GOLGA6D: variants seen among roughly 807,000 people sequenced by gnomAD.
GOLGA6D encodes the protein golgin subfamily A member 6D.
A neutral mutation model predicts 42.1 loss-of-function variants in GOLGA6D; 9 were observed. The observed-to-expected ratio is 0.21, with a 90% CI of 0.13 to 0.37. The LOEUF is 0.37. Among genes scored for constraint, GOLGA6D ranks in the 10% least tolerant of loss-of-function variants. The pLI is 1.00. For missense variants in GOLGA6D, 87 were observed against 420.8 expected (o/e 0.21, Z 6.94); for synonymous variants, 39 against 167.3 (o/e 0.23, Z 5.92).
chr15:75,293,596 G>T, intron 14 of GOLGA6D, 133 bp from the exon 15 acceptor site: 1 of 661,078 alleles, frequency 1.5e-6, no homozygotes, highest in South Asian at 1.8e-5. Flanking sequence ...GTTTGTGTGT[G>T]GGGAGAGCTA....
Position 75,294,239 on chromosome 15 carries a change from T to C in GOLGA6D, c.1932T>C (p.Leu644=). 1.4e-6 allele frequency: 2 copies of C among 1,417,144 alleles called. No individual in the cohort carries two copies. Among genetic ancestry groups the C allele is most frequent in the Non-Finnish European group, 1.9e-6 (2 of 1,073,378 alleles). The allele number at this position is 1,417,144 out of a possible 1,614,324, so 87.8% of individuals were successfully genotyped here. A position where few individuals can be genotyped will look rare whatever the true frequency, so the allele number is the denominator to read the frequency against. The stretch of plus-strand genomic sequence containing the variant: ...CAGGGGCCCCAGCCCCCCAGGAACT[T>C]GGGGCTGCCGGTGAGCAGGATGGTG... ...PTPGAPAPQE[L]GAAGEQDVFY... The change falls in exon 17 of 18, where the codon CTT becomes CTC. Residue 644 remains leucine (L), a synonymous_variant. Transcript: ENST00000434739.
Position 75,294,425 on chromosome 15 carries a change from C to A in GOLGA6D, c.2032C>A (p.Pro678Thr). 6.3e-7 allele frequency: 1 copy of A among 1,598,140 alleles called. No individual in the cohort carries two copies. Residue 678 changes from proline to threonine, a missense_variant, in exon 18 of 18, where the codon CCC becomes ACC. Pro to Thr is a conservative substitution (Grantham distance 38). Transcript: ENST00000434739. ...VAREGSPHNN[P>T]TVQQIVQLSP... ...CAGGGAGGGTTCTCCCCATAACAAC[C>A]CCACTGTACAGCAGATCGTGCAGCT...
Position 75,288,750 on chromosome 15 carries a change from TG to T in GOLGA6D, c.564+387del, listed in dbSNP as rs2070865846. On this transcript the variant is annotated intron_variant, in intron 7 of 17. Coordinates refer to ENST00000434739, the MANE Select transcript of GOLGA6D (RefSeq NM_001145224.3). Reference sequence around the variant, plus strand: ...GTGTGTGTGTGTGTGTGTGTGTGTGTGTACTATGATAATATACAAAAACATG... The same window carrying T: ...GTGTGTGTGTGTGTGTGTGTGTGTGTTACTATGATAATATACAAAAACATG... 3.0e-5 allele frequency among the ~76,000 whole-genome samples: 4 copies of T among 134,650 alleles called. No homozygotes were observed. The South Asian group carries it at 9.1e-4, about 31-fold the overall frequency. The allele number at this position is 134,650 out of a possible 152,430, so 88.3% of individuals were successfully genotyped here. A position where few individuals can be genotyped will look rare whatever the true frequency, so the allele number is the denominator to read the frequency against.
intron 14 of GOLGA6D, among the ~76,000 whole-genome samples, chr15:75,293,525 T>C (rs1343455876): frequency 6.9e-6 from 1 of 144,666 alleles, no homozygotes; most frequent in Non-Finnish European, 1.5e-5. Context: ...GCTCATCTGG[T>C]GGCCTTGGCC....
Position 75,294,402 on chromosome 15 carries a change from G to A in GOLGA6D, c.2009G>A (p.Arg670Lys), listed in dbSNP as rs1260100918. 6.2e-7 allele frequency: 1 copy of A among 1,600,248 alleles called. No individual in the cohort carries two copies. Among genetic ancestry groups the A allele is most frequent in the East Asian group, 2.2e-5 (1 of 44,704 alleles). Residue 670 changes from arginine (R) to lysine (K), a missense_variant, in exon 18 of 18, where the codon AGG becomes AAG. By Grantham distance (26) the Arg-to-Lys change is conservative. Transcript: ENST00000434739. ...GTGGAGCCTGCACCAGGAGTGGCCA[G>A]GGAGGGTTCTCCCCATAACAACCCC... ...NNVEPAPGVAREGSPHNNPTV... is the reference protein window; with the variant it reads ...NNVEPAPGVAKEGSPHNNPTV...
chr15:75,294,758 A>AT lies in GOLGA6D; in HGVS notation c.*288dup, dbSNP rs1314225854. On this transcript the variant is annotated 3_prime_UTR_variant, in exon 18 of 18. Transcript: ENST00000434739. Reference sequence around the variant, plus strand: ...GATGTTCTTTCTGGCATCCTTTAGCATTTTTATTTTTAATTTGATAATTGT... The same window carrying AT: ...GATGTTCTTTCTGGCATCCTTTAGCATTTTTTATTTTTAATTTGATAATTGT... The AT allele has an allele frequency of 3.8e-6, 1 of 265,834 alleles. No homozygotes were observed. The highest frequency in any genetic ancestry group is 7.4e-5 in the East Asian group (1 of 13,522). 16.5% of individuals were successfully genotyped at this position (265,834 alleles called of 1,614,324 possible).
upstream of GOLGA6D, among the ~76,000 whole-genome samples, chr15:75,278,745 G>T (rs2070836685): frequency 6.6e-6 from 1 of 151,878 alleles, no homozygotes. Context: ...AAAGTTGAGA[G>T]ATTCCCTGGT....
Position 75,294,657 on chromosome 15 carries a change from A to G in GOLGA6D, c.*182A>G. On this transcript the variant is annotated 3_prime_UTR_variant, in exon 18 of 18. Transcript: ENST00000434739. ...TTTACTCCATTTGAATGCTAGAGCCACTCACTTTTATTTGTGTTTCTAATT... is the reference window on the plus strand; with the variant it reads ...TTTACTCCATTTGAATGCTAGAGCCGCTCACTTTTATTTGTGTTTCTAATT... The G allele has an allele frequency of 2.0e-6, 2 of 1,012,050 alleles. No individual in the cohort carries two copies. The highest frequency in any genetic ancestry group is 2.7e-6 in the Non-Finnish European group (2 of 738,184). The allele number at this position is 1,012,050 out of a possible 1,614,324, so 62.7% of individuals were successfully genotyped here.
chr15:75,289,349 C>T (rs1229762590), intron 7 of GOLGA6D, 48 bp from the exon 8 acceptor site: 7 of 1,535,366 alleles, frequency 4.6e-6, no homozygotes, highest in Non-Finnish European at 6.2e-6. Flanking sequence ...TTTTAAGGGG[C>T]ACTGCCCGAG....
intron 7 of GOLGA6D, 63 bp from the exon 8 acceptor site, chr15:75,289,334 A>G (rs901248276): frequency 2.0e-6 from 3 of 1,467,938 alleles, no homozygotes; most frequent in Non-Finnish European, 2.8e-6. Flanking sequence ...GCCTAGCCCT[A>G]GCCCTTTTAA....
intron 2 of GOLGA6D, among the ~76,000 whole-genome samples, chr15:75,286,070 G>A (rs1238325209): frequency 1.2e-4 from 14 of 118,096 alleles, no homozygotes; most frequent in African/African-American, 4.2e-4. Context: ...TACAGAGCAG[G>A]CATGTGGGAT....
At position 75,294,338 on chromosome 15, in the gene GOLGA6D, C is replaced by T; in HGVS notation, c.1955-10C>T. 6.3e-6 allele frequency: 10 copies of T among 1,592,208 alleles called. No homozygotes were observed. The highest frequency in any genetic ancestry group is 8.5e-6 in the Non-Finnish European group (10 of 1,176,864). Reference sequence around the variant, plus strand: ...ACTGTGCTCAGACCCCCGCCTCCCTCTCTCCGAAGTTTTTTATGAAGTGAG... The same window carrying T: ...ACTGTGCTCAGACCCCCGCCTCCCTTTCTCCGAAGTTTTTTATGAAGTGAG... On this transcript the variant is annotated splice_polypyrimidine_tract_variant and intron_variant, in intron 17 of 17. Transcript: ENST00000434739.
At position 75,294,421 on chromosome 15, in the gene GOLGA6D, C is replaced by T; in HGVS notation, c.2028C>T (p.Asn676=). The T allele has an allele frequency of 1.3e-6, 2 of 1,598,278 alleles. No homozygotes were observed. The highest frequency in any genetic ancestry group is 3.4e-5 in the Admixed American group (2 of 59,272). The change falls in exon 18 of 18, where the codon AAC becomes AAT. Residue 676 remains asparagine (N), a synonymous_variant. Transcript: ENST00000434739. Reference sequence around the variant, plus strand: ...TGGCCAGGGAGGGTTCTCCCCATAACAACCCCACTGTACAGCAGATCGTGC... The same window carrying T: ...TGGCCAGGGAGGGTTCTCCCCATAATAACCCCACTGTACAGCAGATCGTGC... The part of the protein sequence containing the change: ...PGVAREGSPH[N]NPTVQQIVQL...
At chr15:75,276,747 G>A in the GOLGA6D span, among the ~76,000 whole-genome samples, 1 of 78,178 alleles carries the variant, frequency 1.3e-5, no homozygotes, top group Non-Finnish European at 2.6e-5. Flanking sequence ...GAACGTTTTA[G>A]GCATCAGGGC....
In GOLGA6D at chr15:75,289,397, T is replaced by G. The variant is rs575709371; in HGVS notation, c.565T>G (p.Ser189Ala). The change falls in exon 8 of 18, where the codon TCC becomes GCC. Residue 189 changes from serine to alanine, a missense_variant and splice_region_variant. Transcript: ENST00000434739. ...AAACTTCTCACTCTTCACCATCCAG[T>G]CCTCGAGCTGCAGAGAAGCGGTCCT... The part of the protein sequence containing the change: ...VSTQQQEEDR[S>A]SSCREAVLQR... 1.4e-4 allele frequency: 220 copies of G among 1,549,924 alleles called. 21 individuals carry two copies. In the East Asian group the frequency reaches 4.7e-3, roughly 33 times the overall value.
chr15:75,279,006 T>A (rs2070838146), upstream of GOLGA6D, among the ~76,000 whole-genome samples: 2 of 148,384 alleles, frequency 1.3e-5, no homozygotes, highest in Non-Finnish European at 3.0e-5. Context: ...TCACTGTAAG[T>A]CCTGTGTTCC....
chr15:75,278,816 GAC>G (rs1296038614), upstream of GOLGA6D, among the ~76,000 whole-genome samples: 9 of 151,716 alleles, frequency 5.9e-5, no homozygotes, highest in African/African-American at 2.2e-4. Context: ...TGTCCACTCA[GAC>G]ACATGCTCAT....
Position 75,294,441 on chromosome 15 carries a change from T to C in GOLGA6D, c.2048T>C (p.Ile683Thr). ...CATAACAACCCCACTGTACAGCAGA[T>C]CGTGCAGCTGTCTCCTGTCATGCAG... Reference protein sequence around the residue: ...SPHNNPTVQQIVQLSPVMQDT With the variant: ...SPHNNPTVQQTVQLSPVMQDT Residue 683 changes from isoleucine (I) to threonine (T), a missense_variant, in exon 18 of 18, where the codon ATC becomes ACC. Ile to Thr is a moderately conservative substitution (Grantham distance 89). Transcript: ENST00000434739. 6.3e-7 allele frequency: 1 copy of C among 1,597,400 alleles called. No individual in the cohort carries two copies. The highest frequency in any genetic ancestry group is 8.5e-7 in the Non-Finnish European group (1 of 1,174,864).
At chr15:75,286,086 C>T (rs1412289605) in intron 2 of GOLGA6D, among the ~76,000 whole-genome samples, 2 of 103,948 alleles carry the variant, frequency 1.9e-5, no homozygotes, top group Non-Finnish European at 3.8e-5. Flanking sequence ...GGGATTTGGG[C>T]TCTTTTTTTT....
Sources: allele counts gnomAD v4.1 joint callset (sites outside exome capture counted in the v4.1 genomes callset), GRCh38; gene constraint gnomAD v4.1.1; transcripts MANE v1.5; gene names NCBI Gene and HGNC (gene_info 2026-07-23, HGNC 2026-07-21).